Variants in RAP1GDS1 observed in about 807,000 individuals in gnomAD.
RAP1GDS1 encodes the protein RAP1, GTP-GDP dissociation stimulator 1.
RAP1GDS1 carries 35 observed loss-of-function variants against 71.1 expected under a neutral mutation model. That is an observed-to-expected ratio of 0.49 (90% CI 0.38 to 0.65). The LOEUF (loss-of-function observed/expected upper bound fraction) is 0.65. RAP1GDS1 is among the 30% of genes least tolerant of loss of function. The pLI, the probability that RAP1GDS1 is intolerant of heterozygous loss-of-function variation, is 0.00. For missense variants in RAP1GDS1, 663 were observed against 706.1 expected (o/e 0.94, Z 0.69); for synonymous variants, 229 against 243.1 (o/e 0.94, Z 0.54).
At chr4:98,391,226 C>A (rs1743605973) in intron 5 of RAP1GDS1, among the ~76,000 whole-genome samples, 1 of 152,038 alleles carries the variant, frequency 6.6e-6, no homozygotes, top group Non-Finnish European at 1.5e-5. Flanking sequence ...ACTTCAAAAT[C>A]AATTAGTTTC....
At chr4:98,262,313 T>G (rs1722131419) in intron 1 of RAP1GDS1, among the ~76,000 whole-genome samples, 1 of 152,228 alleles carries the variant, frequency 6.6e-6, no homozygotes, top group Non-Finnish European at 1.5e-5. Flanking sequence ...GTTACCGAAC[T>G]TACATGGTAG....
At chr4:98,388,934 TTA>T (rs1403954961) in intron 5 of RAP1GDS1, among the ~76,000 whole-genome samples, 1 of 152,160 alleles carries the variant, frequency 6.6e-6, no homozygotes, top group Non-Finnish European at 1.5e-5. Context: ...AAGAAACCTA[TTA>T]TATGTTAACA....
intron 7 of RAP1GDS1, among the ~76,000 whole-genome samples, chr4:98,408,284 G>A (rs1337956114): frequency 6.6e-6 from 1 of 151,632 alleles, no homozygotes; most frequent in African/African-American, 2.4e-5. Flanking sequence ...CTCCTACCAC[G>A]CCTGGCTAAT....
At chr4:98,399,369 G>T (rs1482180280) in intron 6 of RAP1GDS1, among the ~76,000 whole-genome samples, 2 of 152,038 alleles carry the variant, frequency 1.3e-5, no homozygotes, top group Non-Finnish European at 2.9e-5. Flanking sequence ...TCAACAGCAG[G>T]GTCTCACTCT....
chr4:98,313,448 A>C (rs905301309), intron 2 of RAP1GDS1, among the ~76,000 whole-genome samples: 10 of 152,220 alleles, frequency 6.6e-5, no homozygotes, highest in Non-Finnish European at 1.0e-4. Context: ...CAGAAGTGGA[A>C]TATACATTTC....
At chr4:98,297,738 C>T (rs1436486008) in intron 2 of RAP1GDS1, among the ~76,000 whole-genome samples, 1 of 152,100 alleles carries the variant, frequency 6.6e-6, no homozygotes, top group Non-Finnish European at 1.5e-5. Flanking sequence ...TTAATTTAGA[C>T]CAATTAATAA....
chr4:98,280,869 C>A (rs530777604), intron 1 of RAP1GDS1, among the ~76,000 whole-genome samples: 1 of 152,262 alleles, frequency 6.6e-6, no homozygotes, highest in South Asian at 2.1e-4. Flanking sequence ...AATAGGGAAT[C>A]CTTTCCCCAT....
rs538035024 is a variant in RAP1GDS1 at position 98,335,503 on chromosome 4, G to A, written c.113-7636G>A. ...TTTTAAACACAGGTGACTCCATTTT[G>A]ATTTGGACAACTTTCAAATTGTATA... On this transcript the variant is annotated intron_variant, in intron 2 of 14. Transcript: ENST00000408927. 2.8e-4 allele frequency among the ~76,000 whole-genome samples: 42 copies of A among 151,920 alleles called. No homozygotes were observed. In the South Asian group the frequency reaches 8.1e-3, roughly 29 times the overall value.
At chr4:98,287,692 A>G (rs1366136868) in intron 1 of RAP1GDS1, among the ~76,000 whole-genome samples, 1 of 152,204 alleles carries the variant, frequency 6.6e-6, no homozygotes, top group East Asian at 1.9e-4. Context: ...TTTCTCTTCA[A>G]ATATTAGAAA....
intron 14 of RAP1GDS1, 200 bp from the exon 15 acceptor site, chr4:98,441,790 A>AGG: frequency 1.7e-6 from 1 of 576,964 alleles, no homozygotes; most frequent in Admixed American, 6.3e-5. Context: ...TTTAATTTAA[A>AGG]AAAAAGTAAA....
At chr4:98,352,702 C>A in intron 4 of RAP1GDS1, 101 bp downstream of exon 4, 1 of 1,276,620 alleles carries the variant, frequency 7.8e-7, no homozygotes, top group Non-Finnish European at 1.1e-6. Context: ...GGCTAAAACA[C>A]TAACATGGGC....
chr4:98,322,177 C>T (rs1388807937), intron 2 of RAP1GDS1, among the ~76,000 whole-genome samples: 1 of 75,878 alleles, frequency 1.3e-5, no homozygotes. Flanking sequence ...CAAAGAAGGC[C>T]ATTACATAAT....
At chr4:98,290,630 A>AT (rs2110274601) in intron 1 of RAP1GDS1, among the ~76,000 whole-genome samples, 1 of 152,214 alleles carries the variant, frequency 6.6e-6, no homozygotes, top group South Asian at 2.1e-4. Context: ...AAGAAAAAAA[A>AT]GGCTTGGCAA....
chr4:98,263,864 G>C (rs1722365233), intron 1 of RAP1GDS1, among the ~76,000 whole-genome samples: 1 of 152,166 alleles, frequency 6.6e-6, no homozygotes, highest in Non-Finnish European at 1.5e-5. Flanking sequence ...GTACACTGTA[G>C]GTTGGTTTTG....
At chr4:98,345,293 C>G (rs1736066704) in intron 3 of RAP1GDS1, among the ~76,000 whole-genome samples, 1 of 152,214 alleles carries the variant, frequency 6.6e-6, no homozygotes. Context: ...CATCTTTACT[C>G]TGCTGTGCAC....
At chr4:98,307,393 A>G (rs1451893726) in intron 2 of RAP1GDS1, among the ~76,000 whole-genome samples, 1 of 152,070 alleles carries the variant, frequency 6.6e-6, no homozygotes, top group Non-Finnish European at 1.5e-5. Flanking sequence ...TTATATCAGA[A>G]ATTTTGTAAA....
intron 1 of RAP1GDS1, among the ~76,000 whole-genome samples, chr4:98,271,016 A>T (rs1723380027): frequency 6.6e-6 from 1 of 152,112 alleles, no homozygotes. Flanking sequence ...ATATGTGTTA[A>T]TTGACTGTTT....
Position 98,357,670 on chromosome 4 carries a change from A to T in RAP1GDS1, c.361+5069A>T, listed in dbSNP as rs1398223556. Among the ~76,000 whole-genome samples, 3 of 151,958 alleles carry T rather than the reference A, an allele frequency of 2.0e-5. No individual in the cohort carries two copies. The East Asian group carries it at 5.8e-4, about 29-fold the overall frequency. On this transcript the variant is annotated intron_variant, in intron 4 of 14. Transcript: ENST00000408927. ...TTTATCAGAATGAAAATTAATAAGA[A>T]TATTAACTGTAGCTGTTTTTTAAGA...
At chr4:98,309,162 T>G (rs2110315247) in intron 2 of RAP1GDS1, among the ~76,000 whole-genome samples, 1 of 152,134 alleles carries the variant, frequency 6.6e-6, no homozygotes, top group South Asian at 2.1e-4. Flanking sequence ...GAATAGAAAT[T>G]TTTAATAAAT....
Sources: allele counts gnomAD v4.1 joint callset (sites outside exome capture counted in the v4.1 genomes callset), GRCh38; gene constraint gnomAD v4.1.1; transcripts MANE v1.5; gene names NCBI Gene and HGNC (gene_info 2026-07-23, HGNC 2026-07-21).